CELF2: variants seen among roughly 807,000 people sequenced by gnomAD.
CELF2 encodes CUGBP Elav-like family member 2, also known as CUG triplet repeat RNA-binding protein 2.
A neutral mutation model predicts 62.6 loss-of-function variants in CELF2; 8 were observed. The observed-to-expected ratio is 0.13, with a 90% CI of 0.07 to 0.23. CELF2 has a LOEUF of 0.23. Among genes scored for constraint, CELF2 ranks in the 10% least tolerant of loss-of-function variants. The pLI, the probability that CELF2 is intolerant of heterozygous loss-of-function variation, is 1.00. For missense variants in CELF2, 333 were observed against 671.0 expected (o/e 0.50, Z 5.56); for synonymous variants, 258 against 250.0 (o/e 1.03, Z -0.30).
At chr10:10,623,915 C>T in the CELF2 span, among the ~76,000 whole-genome samples, 1 of 152,146 alleles carries the variant, frequency 6.6e-6, no homozygotes, top group Non-Finnish European at 1.5e-5. Context: ...GAGCCTGGCC[C>T]GGAACCCAGG....
At chr10:11,013,794 G>C (rs2056844362), upstream of CELF2, among the ~76,000 whole-genome samples, 1 of 152,144 alleles carries the variant, frequency 6.6e-6, no homozygotes, top group African/African-American at 2.4e-5. The surrounding 1 kb of genome is among the most constrained non-coding windows in gnomAD (Gnocchi z 4.1). Flanking sequence ...CTTATAATTG[G>C]CGATATAAAT....
the CELF2 span, among the ~76,000 whole-genome samples, chr10:10,651,941 T>C: frequency 6.6e-6 from 1 of 150,906 alleles, no homozygotes; most frequent in Non-Finnish European, 1.5e-5. Flanking sequence ...GGGAGGACAT[T>C]CAAACCAAAG....
intron 1 of CELF2, among the ~76,000 whole-genome samples, chr10:11,062,156 A>C (rs548304594): frequency 8.0e-6 from 1 of 125,674 alleles, no homozygotes; most frequent in Admixed American, 7.9e-5. Flanking sequence ...CAGGGGGGGA[A>C]AAAAAAATTC....
At chr10:10,517,851 C>G in the CELF2 span, among the ~76,000 whole-genome samples, 4 of 152,344 alleles carry the variant, frequency 2.6e-5, no homozygotes, top group East Asian at 7.7e-4. Context: ...AGCGATCCTG[C>G]TGAGGAATTA....
chr10:10,932,670 A>ATGTGTATG lies in CELF2; in HGVS notation c.89+12677_89+12684dup, dbSNP rs1564840665. On this transcript the variant is annotated intron_variant, in intron 2 of 13. Coordinates refer to the CELF2 transcript ENST00000636488. ...CTCTTACATGATAAAGTAAATATGT[A>ATGTGTATG]TGTGTATGTGTGTGTGTGTGTGTGT... Among the ~76,000 whole-genome samples the ATGTGTATG allele has an allele frequency of 5.0e-5, 6 of 120,556 alleles. No individual in the cohort carries two copies. The South Asian group carries it at 1.9e-3, about 39-fold the overall frequency. 79.1% of individuals were successfully genotyped at this position (120,556 alleles called of 152,430 possible). A position where few individuals can be genotyped will look rare whatever the true frequency, so the allele number is the denominator to read the frequency against.
Position 10,878,653 on chromosome 10 carries a change from C to G in CELF2, c.54-41311C>G, listed in dbSNP as rs113009111. 7.1e-3 allele frequency among the ~76,000 whole-genome samples: 1,078 copies of G among 152,288 alleles called. 10 individuals carry two copies. Among genetic ancestry groups the G allele is most frequent in the African/African-American group, 0.022 (910 of 41,560 alleles). The stretch of plus-strand genomic sequence containing the variant: ...TGGTCATTTGTGCTGAGAAATCTCT[C>G]CTCATCTTAGTGAGTGGAGGGTTTC... On this transcript the variant is annotated intron_variant, in intron 1 of 13. Coordinates refer to the CELF2 transcript ENST00000636488.
At chr10:10,469,999 A>G in the CELF2 span, among the ~76,000 whole-genome samples, 1 of 151,874 alleles carries the variant, frequency 6.6e-6, no homozygotes, top group Non-Finnish European at 1.5e-5. Flanking sequence ...AGCACCCAAC[A>G]TGATGCTCAA....
the CELF2 span, among the ~76,000 whole-genome samples, chr10:10,594,023 T>C: frequency 8.5e-5 from 13 of 152,180 alleles, no homozygotes; most frequent in African/African-American, 1.9e-4. Context: ...ATCATTATTA[T>C]GGATTTGCAG....
rs551973941 is a variant in CELF2 at position 10,900,274 on chromosome 10, A to G, written c.54-19690A>G. On this transcript the variant is annotated intron_variant, in intron 1 of 13. Transcript: ENST00000636488. ...TAGCACAAGCAAGGGTGCTACAAGA[A>G]AAGAAAACTAAAGATCAGTATCCCT... Among the ~76,000 whole-genome samples the G allele has an allele frequency of 3.3e-5, 5 of 152,344 alleles. No individual in the cohort carries two copies. In the South Asian group the frequency reaches 1.0e-3, roughly 32 times the overall value.
chr10:11,061,930 A>G (rs2066843502), intron 1 of CELF2, among the ~76,000 whole-genome samples: 1 of 152,226 alleles, frequency 6.6e-6, no homozygotes, highest in African/African-American at 2.4e-5. Flanking sequence ...CTCCTGCCTC[A>G]GCCTCCTGAG....
chr10:11,141,306 G>A (rs980188792), intron 1 of CELF2, among the ~76,000 whole-genome samples: 5 of 152,214 alleles, frequency 3.3e-5, no homozygotes, highest in Non-Finnish European at 7.3e-5. Flanking sequence ...GCAAGGGGCA[G>A]TCCCCACGAT....
At chr10:10,513,476 A>G in the CELF2 span, among the ~76,000 whole-genome samples, 1 of 152,346 alleles carries the variant, frequency 6.6e-6, no homozygotes, top group South Asian at 2.1e-4. Flanking sequence ...ACTTCTGTCC[A>G]GTTAAATATA....
chr10:11,221,369 T>C (rs1438407023), intron 3 of CELF2, among the ~76,000 whole-genome samples: 2 of 152,252 alleles, frequency 1.3e-5, no homozygotes, highest in Admixed American at 6.5e-5. Context: ...TGCAAGATTT[T>C]CATTTTGTTT....
the CELF2 span, among the ~76,000 whole-genome samples, chr10:10,691,092 G>A: frequency 6.6e-6 from 1 of 151,874 alleles, no homozygotes; most frequent in Non-Finnish European, 1.5e-5. Flanking sequence ...TGCCATGCTG[G>A]TGCGCTGCAC....
the CELF2 span, among the ~76,000 whole-genome samples, chr10:10,625,419 T>A: frequency 6.6e-6 from 1 of 152,186 alleles, no homozygotes; most frequent in Admixed American, 6.5e-5. Context: ...CTAATATTAA[T>A]CCCATTTTGC....
At chr10:11,144,591 A>T (rs1419183604) in intron 1 of CELF2, among the ~76,000 whole-genome samples, 1 of 151,224 alleles carries the variant, frequency 6.6e-6, no homozygotes, top group African/African-American at 2.4e-5. Context: ...TATTATTTAA[A>T]AAAAAAAAAA....
In CELF2 at chr10:11,207,065, C is replaced by T. The variant is rs1270624909; in HGVS notation, c.272-10360C>T. 6.6e-6 allele frequency among the ~76,000 whole-genome samples: 1 copy of T among 152,182 alleles called. No individual in the cohort carries two copies. The highest frequency in any genetic ancestry group is 2.4e-5 in the African/African-American group (1 of 41,440). ...ACATAAGTGTCTTATTTCAAAGAAC[C>T]AGAGAAGGGGAAAAGCACATTCCAG... On this transcript the variant is annotated intron_variant, in intron 2 of 12. Transcript: ENST00000633077. The surrounding 1 kb of genome is among the most constrained non-coding windows in gnomAD (Gnocchi z 4.1).
intron 1 of CELF2, among the ~76,000 whole-genome samples, chr10:11,055,068 A>C (rs746722146): frequency 3.9e-5 from 6 of 152,210 alleles, no homozygotes; most frequent in Non-Finnish European, 5.9e-5. Context: ...TTGAAAATTG[A>C]TTGAATTACA....
At chr10:11,084,894 C>G (rs2075012722) in intron 1 of CELF2, among the ~76,000 whole-genome samples, 1 of 152,152 alleles carries the variant, frequency 6.6e-6, no homozygotes, top group Admixed American at 6.5e-5. Flanking sequence ...TAAATAAACC[C>G]AATGATCCTC....
Sources: gnomAD v4.1 joint callset for allele counts (sites outside exome capture counted in the v4.1 genomes callset) on GRCh38, gnomAD v4.1.1 for gene constraint, Gnocchi (gnomAD v3.1) non-coding constraint, MANE v1.5 for transcripts, NCBI Gene and HGNC (gene_info 2026-07-23, HGNC 2026-07-21) for gene names.